RNF14: variants seen among roughly 807,000 people sequenced by gnomAD.
RNF14 encodes the protein E3 ubiquitin-protein ligase RNF14.
RNF14 carries 26 observed loss-of-function variants against 52.6 expected under a neutral mutation model. The ratio of observed to expected loss-of-function variants is 0.49; its 90% CI spans 0.36 to 0.69. The LOEUF is 0.69. Among genes scored for constraint, RNF14 ranks in the 30% least tolerant of loss-of-function variants. The pLI, the probability that RNF14 is intolerant of heterozygous loss-of-function variation, is 0.00. For synonymous variants in RNF14, 194 were observed against 202.0 expected (o/e 0.96, Z 0.34); for missense variants, 404 against 560.4 (o/e 0.72, Z 2.82).
At chr5:141,955,805 G>T, upstream of RNF14, 1 of 1,613,820 alleles carries the variant, frequency 6.2e-7, no homozygotes, top group African/African-American at 1.3e-5. The surrounding 1 kb of genome is among the most constrained non-coding windows in gnomAD (Gnocchi z 5.5). Context: ...TGTAAGGGGG[G>T]GCTTCCCTGG....
chr5:141,956,757 T>A, upstream of RNF14: 1 of 1,614,220 alleles, frequency 6.2e-7, no homozygotes, highest in Non-Finnish European at 8.5e-7. Context: ...TGGGAAGAGC[T>A]TCTGACACCA....
At chr5:141,956,247 C>T (rs1447539843), upstream of RNF14, 1 of 1,614,236 alleles carries the variant, frequency 6.2e-7, no homozygotes, top group African/African-American at 1.3e-5. Flanking sequence ...CCTCTGCGAT[C>T]ACCTGGAACT....
chr5:141,955,560 C>G, upstream of RNF14: 1 of 1,614,166 alleles, frequency 6.2e-7, no homozygotes, highest in Non-Finnish European at 8.5e-7. The surrounding 1 kb of genome is among the most constrained non-coding windows in gnomAD (Gnocchi z 5.5). Flanking sequence ...TCTGGGGCCT[C>G]TTGGGCTGCT....
intron 4 of RNF14, among the ~76,000 whole-genome samples, chr5:141,976,334 C>G (rs749638063): frequency 6.6e-6 from 1 of 152,162 alleles, no homozygotes; most frequent in Non-Finnish European, 1.5e-5. Flanking sequence ...TGCACACACA[C>G]GCACAAAACA....
chr5:141,955,028 C>T (rs369976753), upstream of RNF14: 2 of 1,614,108 alleles, frequency 1.2e-6, no homozygotes, highest in African/African-American at 2.7e-5. The surrounding 1 kb of genome is among the most constrained non-coding windows in gnomAD (Gnocchi z 5.5). Context: ...TCGGCGAAGG[C>T]AGCCACAGAC....
chr5:141,972,811 G>A (rs962040428), intron 2 of RNF14, among the ~76,000 whole-genome samples: 3 of 152,066 alleles, frequency 2.0e-5, no homozygotes, highest in African/African-American at 7.2e-5. Flanking sequence ...GGCTGGTCTC[G>A]AACTCCTGAC....
At chr5:141,957,959 C>A, upstream of RNF14, 4 of 1,307,030 alleles carry the variant, frequency 3.1e-6, no homozygotes, top group Non-Finnish European at 3.1e-6. The surrounding 1 kb of genome is among the most constrained non-coding windows in gnomAD (Gnocchi z 4.3). Flanking sequence ...CTCCTTCCCC[C>A]AGAGCTGCCG....
upstream of RNF14, among the ~76,000 whole-genome samples, chr5:141,964,905 G>C (rs981919224): frequency 1.3e-5 from 2 of 151,792 alleles, no homozygotes; most frequent in African/African-American, 4.8e-5. Context: ...GGGATAACAG[G>C]CATGAGCCAC....
Position 141,984,853 on chromosome 5 carries a change from C to T in RNF14, c.1287C>T (p.Phe429=). 4 of 1,613,014 alleles carry T rather than the reference C, an allele frequency of 2.5e-6. No individual in the cohort carries two copies. The highest frequency in any genetic ancestry group is 3.4e-6 in the Non-Finnish European group (4 of 1,178,994). ...KMTCTGCMQY[F]CWICMGSLSR... ...CATGTACTGGCTGTATGCAATATTT[C>T]TGTTGGATTTGCATGGGTTCTCTCT... The change falls in exon 8 of 9, where the codon TTC becomes TTT. Residue 429 remains phenylalanine (F), a synonymous_variant. Coordinates refer to ENST00000394520, the MANE Select transcript of RNF14 (RefSeq NM_004290.5).
At chr5:141,966,343 CTG>C (rs2126944631), upstream of RNF14, among the ~76,000 whole-genome samples, 1 of 152,200 alleles carries the variant, frequency 6.6e-6, no homozygotes, top group South Asian at 2.1e-4. Flanking sequence ...TATGACATTG[CTG>C]TCTTTTATTA....
chr5:141,955,555 G>C, upstream of RNF14: 1 of 1,614,080 alleles, frequency 6.2e-7, no homozygotes, highest in Non-Finnish European at 8.5e-7. The surrounding 1 kb of genome is among the most constrained non-coding windows in gnomAD (Gnocchi z 5.5). Flanking sequence ...GTGTTTCTGG[G>C]GCCTCTTGGG....
At chr5:141,984,749 G>A in intron 7 of RNF14, 54 bp from the exon 8 acceptor site, 12 of 1,580,194 alleles carry the variant, frequency 7.6e-6, no homozygotes, top group Non-Finnish European at 1.0e-5. Flanking sequence ...GGCATGTGCT[G>A]TCTCTTCTGC....
At chr5:141,958,018 A>G (rs913204440), upstream of RNF14, 3 of 736,624 alleles carry the variant, frequency 4.1e-6, no homozygotes, top group African/African-American at 5.3e-5. Context: ...GCAGGACCCC[A>G]AGGCAAGGCC....
At chr5:141,974,987 T>C (rs1596678788) in intron 4 of RNF14, 32 bp downstream of exon 4, 1 of 1,603,138 alleles carries the variant, frequency 6.2e-7, no homozygotes, top group East Asian at 2.2e-5. Flanking sequence ...TTCCTATCCA[T>C]TTTTAGAAAC....
chr5:141,958,065 G>A (rs1470383961), upstream of RNF14: 10 of 587,772 alleles, frequency 1.7e-5, no homozygotes, highest in African/African-American at 9.3e-5. Flanking sequence ...TCCAAACGCC[G>A]ATCAAGAATT....
At chr5:141,955,716 C>G, upstream of RNF14, 1 of 1,614,128 alleles carries the variant, frequency 6.2e-7, no homozygotes, top group Non-Finnish European at 8.5e-7. This position sits in a 1 kb window ranked among gnomAD's most constrained non-coding sequence, Gnocchi z 5.5. Context: ...TCGACATGCT[C>G]AAGGCCCCAG....
chr5:141,981,862 A>G (rs1754815524), intron 6 of RNF14, among the ~76,000 whole-genome samples: 1 of 151,856 alleles, frequency 6.6e-6, no homozygotes, highest in African/African-American at 2.4e-5. Flanking sequence ...AAAAAAAAAA[A>G]AAGAGGAAAA....
rs544527921 is a variant in RNF14 at position 141,982,531 on chromosome 5, T to C, written c.1064-849T>C. 5.3e-5 allele frequency: 8 copies of C among 152,364 alleles called. No homozygotes were observed. In the South Asian group the frequency reaches 1.4e-3, roughly 28 times the overall value. The allele number at this position is 152,364 out of a possible 1,614,324, so 9.4% of individuals were successfully genotyped here. A position where few individuals can be genotyped will look rare whatever the true frequency, so the allele number is the denominator to read the frequency against. ...CTAGAACATTGTTGAGAAAACTCTT[T>C]AATTAATTGTATTGAAAAATTAAGG... On this transcript the variant is annotated intron_variant, in intron 6 of 8. Transcript: ENST00000394520.
chr5:141,949,389 A>G, the RNF14 span: 2 of 1,579,576 alleles, frequency 1.3e-6, no homozygotes, highest in Non-Finnish European at 8.6e-7. Context: ...CTTGGACACC[A>G]TGGGGCAGAA....
Sources: gnomAD v4.1 joint callset for allele counts (sites outside exome capture counted in the v4.1 genomes callset) on GRCh38, gnomAD v4.1.1 for gene constraint, Gnocchi (gnomAD v3.1) non-coding constraint, MANE v1.5 for transcripts, NCBI Gene and HGNC (gene_info 2026-07-23, HGNC 2026-07-21) for gene names.